The following SYN2 variants were observed in gnomAD, a reference collection of about 807,000 sequenced individuals.
SYN2 encodes synapsin II, also known as synapsin-2.
In SYN2, 19 loss-of-function variants were observed where a neutral mutation model predicts 50.9. The ratio of observed to expected loss-of-function variants is 0.37; its 90% CI spans 0.26 to 0.55. The LOEUF is 0.55. Among genes scored for constraint, SYN2 ranks in the 20% least tolerant of loss-of-function variants. The pLI is 0.81. For synonymous variants in SYN2, 255 were observed against 224.9 expected (o/e 1.13, Z -1.20); for missense variants, 587 against 576.4 (o/e 1.02, Z -0.19).
At chr3:12,021,774 C>T (rs1444911130) in intron 1 of SYN2, among the ~76,000 whole-genome samples, 3 of 151,872 alleles carry the variant, frequency 2.0e-5, no homozygotes, top group African/African-American at 7.3e-5. Flanking sequence ...AGATAAGAAT[C>T]AGATTCTTGG....
chr3:12,110,124 T>C (rs1425702983), intron 1 of SYN2, among the ~76,000 whole-genome samples: 1 of 152,158 alleles, frequency 6.6e-6, no homozygotes, highest in Non-Finnish European at 1.5e-5. Flanking sequence ...AGGGTTCAAG[T>C]GTACAGTGAG....
At chr3:12,059,551 G>A (rs558827034) in intron 1 of SYN2, among the ~76,000 whole-genome samples, 2 of 152,042 alleles carry the variant, frequency 1.3e-5, no homozygotes, top group African/African-American at 4.8e-5. Flanking sequence ...TCTGAGGTCT[G>A]TGTGCCAGTG....
rs1003043520 is a variant in SYN2 at position 12,187,399 on chromosome 3, C to T, written c.1400C>T (p.Pro467Leu). The T allele has an allele frequency of 6.5e-7, 1 of 1,550,250 alleles. No individual in the cohort carries two copies. The highest frequency in any genetic ancestry group is 8.7e-7 in the Non-Finnish European group (1 of 1,145,754). ...GGPGQPQGMQ[P>L]PGKVLPPRRL... ...CCTGGGCAACCCCAAGGAATGCAGCCCCCAGGCAAGGTGCTGCCTCCACGC... is the reference window on the plus strand; with the variant it reads ...CCTGGGCAACCCCAAGGAATGCAGCTCCCAGGCAAGGTGCTGCCTCCACGC... The change falls in exon 12 of 13, where the codon CCC becomes CTC. Residue 467 changes from proline (P) to leucine (L), a missense_variant. Coordinates refer to ENST00000621198, the MANE Select transcript of SYN2 (RefSeq NM_133625.6).
chr3:12,121,178 T>G (rs553322119), intron 1 of SYN2, among the ~76,000 whole-genome samples: 1 of 152,294 alleles, frequency 6.6e-6, no homozygotes, highest in Non-Finnish European at 1.5e-5. Flanking sequence ...TAGGATGTCT[T>G]CTCTGACCCC....
chr3:12,156,348 T>C (rs1368039957), intron 5 of SYN2, among the ~76,000 whole-genome samples: 1 of 152,252 alleles, frequency 6.6e-6, no homozygotes, highest in Non-Finnish European at 1.5e-5. Context: ...TGTGATTCTT[T>C]AACTGTTCTA....
At chr3:12,050,987 G>A (rs1212378838) in intron 1 of SYN2, among the ~76,000 whole-genome samples, 8 of 139,560 alleles carry the variant, frequency 5.7e-5, no homozygotes, top group South Asian at 2.3e-4. Context: ...CACCCGCCTC[G>A]GCCTCCCAAA....
chr3:12,097,137 A>AGTACCATTTGACTCAGCC (rs1695950953), intron 1 of SYN2, among the ~76,000 whole-genome samples: 1 of 152,224 alleles, frequency 6.6e-6, no homozygotes, highest in African/African-American at 2.4e-5. Flanking sequence ...TAGAACTAGA[A>AGTACCATTTGACTCAGCC]GTACCATTTG....
rs76309896 is a variant in SYN2, at chr3:12,022,867, A to G, written c.377+17939A>G. On this transcript the variant is annotated intron_variant, in intron 1 of 12. Transcript: ENST00000621198. ...CTGGCCAAGAAAATTATTAATGCCT[A>G]TAGGAGGATGAATATGGTGGTCTCA... Among the ~76,000 whole-genome samples, 55 of 152,230 alleles carry G rather than the reference A, an allele frequency of 3.6e-4. No individual in the cohort carries two copies. In the East Asian group the frequency reaches 9.8e-3, roughly 27 times the overall value.
rs147247968 is a variant in SYN2, at chr3:12,038,514, T to C, written c.377+33586T>C. 6.9e-3 allele frequency among the ~76,000 whole-genome samples: 1,057 copies of C among 152,288 alleles called. 12 individuals are homozygous for C. The highest frequency in any genetic ancestry group is 0.024 in the African/African-American group (985 of 41,562). ...TAATTGATAGATTAATTTGGAGATA[T>C]TGGCATTTATTAAATATTACAATCC... On this transcript the variant is annotated intron_variant, in intron 1 of 12. Transcript: ENST00000621198.
At chr3:12,068,058 C>A (rs527433066) in intron 1 of SYN2, among the ~76,000 whole-genome samples, 1 of 152,016 alleles carries the variant, frequency 6.6e-6, no homozygotes, top group East Asian at 1.9e-4. Flanking sequence ...GACCTTGTCT[C>A]GAATGAATGA....
At chr3:12,144,760 C>T (rs1697106798) in intron 3 of SYN2, among the ~76,000 whole-genome samples, 1 of 152,180 alleles carries the variant, frequency 6.6e-6, no homozygotes, top group African/African-American at 2.4e-5. Context: ...GTGGCTCGCA[C>T]CTGTAATCCC....
intron 1 of SYN2, among the ~76,000 whole-genome samples, chr3:12,121,360 T>C (rs1449674015): frequency 6.6e-6 from 1 of 152,254 alleles, no homozygotes; most frequent in Non-Finnish European, 1.5e-5. Flanking sequence ...GGATGTTTAA[T>C]AAATATTTAT....
chr3:12,183,834 C>T (rs1431993965), intron 11 of SYN2: 1 of 1,031,498 alleles, frequency 9.7e-7, no homozygotes, highest in Non-Finnish European at 1.2e-6. Flanking sequence ...AAAAAGAAAA[C>T]CCAACTCCTC....
intron 1 of SYN2, among the ~76,000 whole-genome samples, chr3:12,026,913 A>G (rs774353678): frequency 1.4e-4 from 21 of 152,212 alleles, no homozygotes; most frequent in Admixed American, 5.2e-4. Flanking sequence ...AGTGCCCACA[A>G]ACTCAGAAGT....
intron 1 of SYN2, among the ~76,000 whole-genome samples, chr3:12,050,194 C>G (rs997857411): frequency 3.9e-5 from 6 of 152,326 alleles, no homozygotes; most frequent in Admixed American, 2.0e-4. Flanking sequence ...AGCCACCGAA[C>G]CCAGCCTCGA....
At position 12,162,035 on chromosome 3, in the gene SYN2, C is replaced by T; in HGVS notation, c.861C>T (p.Asp287=). 1.2e-6 allele frequency: 2 copies of T among 1,614,070 alleles called. No individual in the cohort carries two copies. Among genetic ancestry groups the T allele is most frequent in the Non-Finnish European group, 1.7e-6 (2 of 1,179,910 alleles). Residue 287 remains aspartate (D), a synonymous_variant, in exon 7 of 13, where the codon GAC becomes GAT. Coordinates refer to ENST00000621198, the MANE Select transcript of SYN2 (RefSeq NM_133625.6). ...AGGTCAAAGTGGAAAACCACTACGA[C>T]TTCCAGGACATTGCCAGCGTGGTGG... The part of the protein sequence containing the change: ...MGKVKVENHY[D]FQDIASVVAL...
intron 1 of SYN2, chr3:12,070,999 T>C: frequency 1.8e-6 from 1 of 550,168 alleles, no homozygotes. Flanking sequence ...CAACAAGTGG[T>C]CCTGGTGTCT....
chr3:12,138,865 T>C (rs1696956766), intron 1 of SYN2, among the ~76,000 whole-genome samples: 1 of 152,216 alleles, frequency 6.6e-6, no homozygotes, highest in African/African-American at 2.4e-5. Flanking sequence ...TTCACTCCAG[T>C]TCCTTCTTTT....
intron 1 of SYN2, among the ~76,000 whole-genome samples, chr3:12,103,033 C>T (rs1696110047): frequency 6.6e-6 from 1 of 151,966 alleles, no homozygotes; most frequent in Admixed American, 6.6e-5. Flanking sequence ...CAAGCTTTAC[C>T]TATGTATTTG....
Sources: allele counts gnomAD v4.1 joint callset (sites outside exome capture counted in the v4.1 genomes callset), GRCh38; gene constraint gnomAD v4.1.1; transcripts MANE v1.5; gene names NCBI Gene and HGNC (gene_info 2026-07-23, HGNC 2026-07-21).